The following TNXB variants were observed in gnomAD, a reference collection of about 807,000 sequenced individuals.
TNXB encodes the protein tenascin-X.
TNXB carries 183 observed loss-of-function variants against 340.5 expected under a neutral mutation model. The observed-to-expected ratio is 0.54, with a 90% confidence interval of 0.48 to 0.61. The LOEUF is 0.61. TNXB is among the 20% of genes least tolerant of loss of function. TNXB has a pLI of 0.00. For synonymous variants in TNXB, 2,121 were observed against 2,314.5 expected (o/e 0.92, Z 2.40); for missense variants, 4,613 against 5,446.4 (o/e 0.85, Z 4.82).
chr6:32,058,449 G>T lies in TNXB; in HGVS notation c.7493-59C>A. ...GGGTTTAAGGGCAACTTGCTTTGCT[G>T]GTGCTGTCAACAGAGGTCATACATC... On this transcript the variant is annotated intron_variant, in intron 21 of 43. Coordinates refer to ENST00000644971, the MANE Select transcript of TNXB (RefSeq NM_001365276.2). This position sits in a 1 kb window ranked among gnomAD's most constrained non-coding sequence, Gnocchi z 5.1. 1 of 1,395,306 alleles carries T rather than the reference G, an allele frequency of 7.2e-7. No individual in the cohort carries two copies. The highest frequency in any genetic ancestry group is 9.6e-7 in the Non-Finnish European group (1 of 1,037,466). The allele number at this position is 1,395,306 out of a possible 1,614,324, so 86.4% of individuals were successfully genotyped here.
At chr6:32,104,896 C>T (rs1461737069) in intron 1 of TNXB, among the ~76,000 whole-genome samples, 1 of 152,162 alleles carries the variant, frequency 6.6e-6, no homozygotes, top group East Asian at 1.9e-4. Flanking sequence ...CCTAGCCTCC[C>T]AATGTGCTGG....
In TNXB at chr6:32,089,267, C is replaced by T. The variant is rs771118047; in HGVS notation, c.2471G>A (p.Arg824Gln). Reference protein sequence around the residue: ...QEYQVTVRALRGTSWGLPASK... With the variant: ...QEYQVTVRALQGTSWGLPASK... ...GGCAGGAAGGCCCCAGCTGGTCCCT[C>T]GAAGGGCTCGGACAGTGACCTGGTA... Residue 824 changes from arginine (R) to glutamine (Q), a missense_variant, in exon 5 of 44, where the codon CGA becomes CAA. Transcript: ENST00000644971. The surrounding 1 kb of genome is among the most constrained non-coding windows in gnomAD (Gnocchi z 6.2). The T allele has an allele frequency of 6.8e-6, 11 of 1,606,964 alleles. No individual in the cohort carries two copies. The highest frequency in any genetic ancestry group is 5.6e-5 in the South Asian group (5 of 89,622).
At position 32,043,476 on chromosome 6, in the gene TNXB, G is replaced by C; in HGVS notation, c.11611C>G (p.Pro3871Ala). The C allele has an allele frequency of 1.6e-6, 1 of 632,180 alleles. No homozygotes were observed. Among genetic ancestry groups the C allele is most frequent in the Non-Finnish European group, 2.7e-6 (1 of 371,626 alleles). 39.2% of individuals were successfully genotyped at this position (632,180 alleles called of 1,614,324 possible). A position where few individuals can be genotyped will look rare whatever the true frequency, so the allele number is the denominator to read the frequency against. Residue 3871 changes from proline to alanine, a missense_variant, in exon 36 of 44, where the codon CCT becomes GCT. This residue lies in a region of TNXB where 114 missense variants were observed against 104.5 expected (regional missense o/e 1.09). Transcript: ENST00000644971. ...AVLHWKPPQN[P>A]VDTYDVQVTA... ...ACCTGGACGTCATAGGTGTCCACAGGATTCTGGGGGGGCTTCCAGTGCAGC... is the reference window on the plus strand; with the variant it reads ...ACCTGGACGTCATAGGTGTCCACAGCATTCTGGGGGGGCTTCCAGTGCAGC...
Position 32,084,052 on chromosome 6 carries a change from T to C in TNXB, c.3445+361A>G, listed in dbSNP as rs928106691. ...ATCTAGTCTCATCACTCTCCCACTT[T>C]ACCCTTCAGAGGCCCTCTAGGGGCC... On this transcript the variant is annotated intron_variant, in intron 8 of 43. Transcript: ENST00000644971. The surrounding 1 kb of genome is among the most constrained non-coding windows in gnomAD (Gnocchi z 5.5). Among the ~76,000 whole-genome samples the C allele has an allele frequency of 6.6e-6, 1 of 152,174 alleles. No individual in the cohort carries two copies. The highest frequency in any genetic ancestry group is 2.4e-5 in the African/African-American group (1 of 41,440).
Position 32,079,286 on chromosome 6 carries a change from G to C in TNXB, c.4122C>G (p.Leu1374=). The C allele has an allele frequency of 6.2e-7, 1 of 1,613,176 alleles. No homozygotes were observed. The highest frequency in any genetic ancestry group is 8.5e-7 in the Non-Finnish European group (1 of 1,179,856). Residue 1374 remains leucine (L), a synonymous_variant, in exon 11 of 44, where the codon CTC becomes CTG. Coordinates refer to ENST00000644971, the MANE Select transcript of TNXB (RefSeq NM_001365276.2). This position sits in a 1 kb window ranked among gnomAD's most constrained non-coding sequence, Gnocchi z 7.1. The stretch of plus-strand genomic sequence containing the variant: ...ATCCTGTCACTGTCAGCTCCCCCAG[G>C]AGCGGCTCCTCGGGGGACTCCGGGG... ...TEAPESPEEP[L]LGELTVTGSS...
At position 32,089,704 on chromosome 6, in the gene TNXB, G is replaced by T. The variant is rs1779993244; in HGVS notation, c.2359-325C>A. On this transcript the variant is annotated intron_variant, in intron 4 of 43. Transcript: ENST00000644971. The surrounding 1 kb of genome is among the most constrained non-coding windows in gnomAD (Gnocchi z 6.2). Reference sequence around the variant, plus strand: ...GTCACCAACACCAAGAAAATGGCAAGAATTTAGGCCCTAGCAGTGTGATCC... The same window carrying T: ...GTCACCAACACCAAGAAAATGGCAATAATTTAGGCCCTAGCAGTGTGATCC... Among the ~76,000 whole-genome samples, 1 of 152,180 alleles carries T rather than the reference G, an allele frequency of 6.6e-6. No individual in the cohort carries two copies. The highest frequency in any genetic ancestry group is 2.4e-5 in the African/African-American group (1 of 41,444).
chr6:32,047,304 A>G lies in TNXB; in HGVS notation c.10324+430T>C, dbSNP rs976524186. Among the ~76,000 whole-genome samples, 3 of 152,214 alleles carry G rather than the reference A, an allele frequency of 2.0e-5. No homozygotes were observed. Among genetic ancestry groups the G allele is most frequent in the Admixed American group, 1.3e-4 (2 of 15,286 alleles). ...AGGCATAGTGACACCAGGTTTTTCC[A>G]TCGTCTTTCCATAGCCAAGCCCTCC... is the stretch of plus-strand genomic sequence containing the variant. On this transcript the variant is annotated intron_variant, in intron 30 of 43. Transcript: ENST00000644971. The surrounding 1 kb of genome is among the most constrained non-coding windows in gnomAD (Gnocchi z 6.2).
chr6:32,078,125 A>AAGAG (rs1491457358), intron 11 of TNXB, among the ~76,000 whole-genome samples: 1 of 140,468 alleles, frequency 7.1e-6, no homozygotes, highest in Non-Finnish European at 1.6e-5. Flanking sequence ...GAAAGAAAGA[A>AAGAG]AGAAAGAAAA....
chr6:32,086,824 T>C (rs1779804466), intron 6 of TNXB, among the ~76,000 whole-genome samples: 1 of 152,236 alleles, frequency 6.6e-6, no homozygotes, highest in Non-Finnish European at 1.5e-5. Context: ...GGCCAAATTG[T>C]GGAAAACAGT....
chr6:32,058,822 T>G lies in TNXB; in HGVS notation c.7493-432A>C, dbSNP rs542218122. On this transcript the variant is annotated intron_variant, in intron 21 of 43. Transcript: ENST00000644971. The surrounding 1 kb of genome is among the most constrained non-coding windows in gnomAD (Gnocchi z 5.1). Reference sequence around the variant, plus strand: ...AAGATGATTAATTTTGTTATAGTGCTTTCACCGCAACGCATCAAATAACCA... The same window carrying G: ...AAGATGATTAATTTTGTTATAGTGCGTTCACCGCAACGCATCAAATAACCA... Among the ~76,000 whole-genome samples the G allele has an allele frequency of 6.6e-6, 1 of 152,046 alleles. No homozygotes were observed. The highest frequency in any genetic ancestry group is 2.1e-4 in the South Asian group (1 of 4,830).
In TNXB at chr6:32,042,571, C is replaced by A; in HGVS notation, c.12094G>T (p.Glu4032Ter). 1 of 1,597,964 alleles carries A rather than the reference C, an allele frequency of 6.3e-7. No individual in the cohort carries two copies. Among genetic ancestry groups the A allele is most frequent in the Non-Finnish European group, 8.5e-7 (1 of 1,172,324 alleles). Reference protein sequence around the residue: ...LRIPFPRDCGEEMQNGAGASR... With the variant: ...LRIPFPRDCG ...GCACCGGCTCCGTTCTGCATCTCCT[C>A]CCCGCAGTCCCTGGGGAAGGGGATC... Residue 4032 changes from glutamate to a stop codon, truncating the protein, a stop_gained, in exon 40 of 44, where the codon GAG becomes TAG. Transcript: ENST00000644971. LOFTEE classifies it high-confidence loss of function.
In TNXB at chr6:32,095,942, C is replaced by G; in HGVS notation, c.1911G>C (p.Leu637=). 1 of 1,613,006 alleles carries G rather than the reference C, an allele frequency of 6.2e-7. No homozygotes were observed. Among genetic ancestry groups the G allele is most frequent in the Non-Finnish European group, 8.5e-7 (1 of 1,179,714 alleles). The stretch of plus-strand genomic sequence containing the variant: ...TAGGGCCGGTGTAGCCTGGGTCGCA[C>G]AGGCAGCGCCCTTCCTCACAGCGGC... ...GRGRCEEGRC[L]CDPGYTGPTC... Residue 637 remains leucine (L), a synonymous_variant, in exon 3 of 44, where the codon CTG becomes CTC. Transcript: ENST00000644971.
At chr6:32,076,351 AC>A (rs1440564692) in intron 11 of TNXB, among the ~76,000 whole-genome samples, 2 of 152,310 alleles carry the variant, frequency 1.3e-5, no homozygotes, top group Non-Finnish European at 2.9e-5. Flanking sequence ...TGGCAACTGC[AC>A]TGTGTGTGCT....
At chr6:32,056,552 G>A (rs55772331) in intron 23 of TNXB, 34 bp downstream of exon 23, 56 of 1,607,862 alleles carry the variant, frequency 3.5e-5, no homozygotes, top group African/African-American at 3.2e-4. Flanking sequence ...ACCCTCCCAC[G>A]GCTCCCACCC....
chr6:32,063,622 A>G (rs769933967), intron 19 of TNXB, among the ~76,000 whole-genome samples: 2 of 152,214 alleles, frequency 1.3e-5, no homozygotes, highest in Non-Finnish European at 2.9e-5. Flanking sequence ...AACTTACGGC[A>G]GAGAGAGCAC....
rs778455311 is a variant in TNXB at position 32,046,219 on chromosome 6, A to G, written c.10562T>C (p.Leu3521Pro). Residue 3521 changes from leucine to proline, a missense_variant, in exon 31 of 44, where the codon CTT (leucine) becomes CCT (proline). Around this residue, in one of 7 missense-constraint regions of TNXB, gnomAD observed 4,327 missense variants for 4,859.4 expected, o/e 0.89. Transcript: ENST00000644971. This position sits in a 1 kb window ranked among gnomAD's most constrained non-coding sequence, Gnocchi z 6.9. ...GACCGGGCCCAGGCGCTTTCCCCCA[A>G]GGAGCCCGTAGAGCAGAAACTTGTA... ...KKYKFLLYGL[L>P]GGKRLGPVSA... The G allele has an allele frequency of 3.8e-6, 6 of 1,598,550 alleles. No homozygotes were observed. Among genetic ancestry groups the G allele is most frequent in the African/African-American group, 1.3e-5 (1 of 74,886 alleles).
chr6:32,061,399 G>C lies in TNXB; in HGVS notation c.7490C>G (p.Thr2497Ser). 6.2e-7 allele frequency: 1 copy of C among 1,612,236 alleles called. No homozygotes were observed. Among genetic ancestry groups the C allele is most frequent in the Non-Finnish European group, 8.5e-7 (1 of 1,179,254 alleles). The change falls in exon 21 of 44, where the codon ACT becomes AGT. Residue 2497 changes from threonine to serine, a missense_variant and splice_region_variant. Thr to Ser is a moderately conservative substitution (Grantham distance 58). This residue lies in a region of TNXB where 4,327 missense variants were observed against 4,859.4 expected (regional missense o/e 0.89). Coordinates refer to ENST00000644971, the MANE Select transcript of TNXB (RefSeq NM_001365276.2). The surrounding 1 kb of genome is among the most constrained non-coding windows in gnomAD (Gnocchi z 4.4). ...RVGPVSTVGV[T>S]APQEDVDETP... is the part of the protein sequence containing the mutation. ...CCGAGACTCCAAGCACTACTCACCA[G>C]TCACGCCCACGGTGGACACCGGGCC...
At position 32,067,766 on chromosome 6, in the gene TNXB, C is replaced by T; in HGVS notation, c.6439G>A (p.Glu2147Lys). The T allele has an allele frequency of 1.2e-6, 2 of 1,613,734 alleles. No individual in the cohort carries two copies. Among genetic ancestry groups the T allele is most frequent in the African/African-American group, 1.3e-5 (1 of 75,016 alleles). ...GGCTCCAGGCCCCCCACGGTGACTTCACTCTCCTCGCCCCCAACACGCACC... is the reference window on the plus strand; with the variant it reads ...GGCTCCAGGCCCCCCACGGTGACTTTACTCTCCTCGCCCCCAACACGCACC... The part of the protein sequence containing the change: ...QVVRVGGEES[E>K]VTVGGLEPGR... The change falls in exon 18 of 44, where the codon GAA (glutamate) becomes AAA (lysine). Residue 2147 changes from glutamate to lysine, a missense_variant. Around this residue, in one of 7 missense-constraint regions of TNXB, gnomAD observed 4,327 missense variants for 4,859.4 expected, o/e 0.89. Coordinates refer to ENST00000644971, the MANE Select transcript of TNXB (RefSeq NM_001365276.2). This position sits in a 1 kb window ranked among gnomAD's most constrained non-coding sequence, Gnocchi z 4.2.
rs761823492 is a variant in TNXB, at chr6:32,081,505, G to T, written c.3905C>A (p.Pro1302His). Residue 1302 changes from proline to histidine, a missense_variant, in exon 10 of 44, where the codon CCC becomes CAC. Transcript: ENST00000644971. The surrounding 1 kb of genome is among the most constrained non-coding windows in gnomAD (Gnocchi z 5.1). ...ATCCCCCGCAACAGGCACTGCCTGG[G>T]GCTGCCCCTGTGCATCCTTGTACTG... is the stretch of plus-strand genomic sequence containing the variant. ...MVQYKDAQGQ[P>H]QAVPVAGDEN... is the part of the protein sequence containing the mutation. 1.0e-5 allele frequency: 16 copies of T among 1,607,224 alleles called. No individual in the cohort carries two copies. Among genetic ancestry groups the T allele is most frequent in the Middle Eastern group, 1.6e-4 (1 of 6,074 alleles).
Sources: allele counts gnomAD v4.1 joint callset (sites outside exome capture counted in the v4.1 genomes callset), GRCh38; gene constraint gnomAD v4.1.1; regional missense constraint gnomAD v4.1.1; non-coding constraint Gnocchi (gnomAD v3.1); transcripts MANE v1.5; gene names NCBI Gene and HGNC (gene_info 2026-07-23, HGNC 2026-07-21).